The following IGSF3 variants were observed in gnomAD, a reference collection of about 807,000 sequenced individuals.
The protein encoded by IGSF3 is glu-Trp-Ile EWI motif-containing protein 3.
Under a neutral mutation model 114.4 loss-of-function variants are expected in IGSF3, and 23 were observed. The observed-to-expected ratio is 0.20, with a 90% CI of 0.14 to 0.28. IGSF3 has a LOEUF of 0.28. Ranked by LOEUF, IGSF3 falls within the 10% of genes least tolerant of loss-of-function variation. The pLI, the probability that IGSF3 is intolerant of heterozygous loss-of-function variation, is 1.00. For synonymous variants in IGSF3, 571 were observed against 645.2 expected, an observed-to-expected ratio of 0.88 and a Z score of 1.74; for missense variants, 1,172 against 1,591.5, an observed-to-expected ratio of 0.74 and a Z score of 4.48.
intron 7 of IGSF3, among the ~76,000 whole-genome samples, 188 bp downstream of exon 7, chr1:116,599,753 G>T (rs543431226): frequency 2.8e-4 from 43 of 152,282 alleles, no homozygotes; most frequent in African/African-American, 7.5e-4. Context: ...ACAACAACTG[G>T]CTATCAAGGA....
intron 2 of IGSF3, among the ~76,000 whole-genome samples, chr1:116,639,131 G>A (rs1450577105): frequency 2.0e-5 from 3 of 152,144 alleles, no homozygotes; most frequent in Non-Finnish European, 4.4e-5. Flanking sequence ...GACAGGTGAG[G>A]CACAGGCACT....
rs977112829 is a variant in IGSF3, at chr1:116,664,267, T to C, written c.43+2017A>G. Among the ~76,000 whole-genome samples, 2 of 152,182 alleles carry C rather than the reference T, an allele frequency of 1.3e-5. No individual in the cohort carries two copies. Among genetic ancestry groups the C allele is most frequent in the African/African-American group, 4.8e-5 (2 of 41,452 alleles). ...CCACCTTGATGCTCATTTTCCTCCATGGCACCTGTTTACACATGAAGATGA... is the reference window on the plus strand; with the variant it reads ...CCACCTTGATGCTCATTTTCCTCCACGGCACCTGTTTACACATGAAGATGA... On this transcript the variant is annotated intron_variant, in intron 2 of 10. Transcript: ENST00000369486. The surrounding 1 kb of genome is among the most constrained non-coding windows in gnomAD (Gnocchi z 4.6).
intron 2 of IGSF3, among the ~76,000 whole-genome samples, chr1:116,626,206 C>T (rs1396744595): frequency 6.6e-6 from 1 of 152,006 alleles, no homozygotes; most frequent in Non-Finnish European, 1.5e-5. Flanking sequence ...CCTCATTTTT[C>T]CAGAGATTAG....
rs1483972190 is a variant in IGSF3 at position 116,649,790 on chromosome 1, G to A, written c.43+16494C>T. ...GTTCATAAGCCTGTAATACTTTTCC[G>A]GCTGCATAAGTCACGTGTCACCATA... On this transcript the variant is annotated intron_variant, in intron 2 of 10. Coordinates refer to ENST00000369486, the MANE Select transcript of IGSF3 (RefSeq NM_001007237.3). The surrounding 1 kb of genome is among the most constrained non-coding windows in gnomAD (Gnocchi z 4.5). 2.6e-5 allele frequency among the ~76,000 whole-genome samples: 4 copies of A among 152,028 alleles called. No individual in the cohort carries two copies. Among genetic ancestry groups the A allele is most frequent in the Non-Finnish European group, 5.9e-5 (4 of 68,030 alleles).
intron 2 of IGSF3, among the ~76,000 whole-genome samples, chr1:116,659,874 C>G (rs1261087370): frequency 6.6e-6 from 1 of 152,186 alleles, no homozygotes; most frequent in Non-Finnish European, 1.5e-5. Flanking sequence ...CCTGCCTCAG[C>G]CTCCCAAAGT....
chr1:116,602,372 A>AC (rs1188115386), intron 6 of IGSF3, among the ~76,000 whole-genome samples: 5 of 151,740 alleles, frequency 3.3e-5, no homozygotes, highest in Non-Finnish European at 5.9e-5. Context: ...TAAAAAAAAA[A>AC]AAAACACACC....
intron 8 of IGSF3, among the ~76,000 whole-genome samples, chr1:116,587,963 A>G (rs1659924176): frequency 6.6e-6 from 1 of 152,164 alleles, no homozygotes; most frequent in South Asian, 2.1e-4. Context: ...TTTAACAGAG[A>G]AGGGGCATAC....
chr1:116,621,605 CTTTT>C, intron 2 of IGSF3, among the ~76,000 whole-genome samples: 1 of 148,584 alleles, frequency 6.7e-6, no homozygotes, highest in East Asian at 2.0e-4. Flanking sequence ...AAGTTTGGGG[CTTTT>C]TTTTTTACAT....
chr1:116,609,047 G>A (rs1338106961), intron 4 of IGSF3, among the ~76,000 whole-genome samples: 1 of 151,780 alleles, frequency 6.6e-6, no homozygotes, highest in Non-Finnish European at 1.5e-5. Context: ...ACTTTAGTAG[G>A]AAAGTACCTA....
Position 116,579,695 on chromosome 1 carries a change from C to G in IGSF3, c.3031G>C (p.Glu1011Gln), listed in dbSNP as rs1659517569. 6.2e-7 allele frequency: 1 copy of G among 1,612,570 alleles called. No individual in the cohort carries two copies. The highest frequency in any genetic ancestry group is 1.3e-5 in the African/African-American group (1 of 74,872). ...RSSPGLEEQE[E>Q]EREEEEEEDD... ...TCCTCCTCCTCCTCCTCCCTTTCCT[C>G]TTCCTGTTCTTCCAGGCCAGGGCTG... is the stretch of plus-strand genomic sequence containing the variant. The change falls in exon 10 of 11, where the codon GAG (glutamate) becomes CAG (glutamine). Residue 1011 changes from glutamate (E) to glutamine (Q), a missense_variant. Around this residue, in one of 3 missense-constraint regions of IGSF3, gnomAD observed 423 missense variants for 509.8 expected, o/e 0.83. Coordinates refer to ENST00000369486, the MANE Select transcript of IGSF3 (RefSeq NM_001007237.3). The surrounding 1 kb of genome is among the most constrained non-coding windows in gnomAD (Gnocchi z 6.4).
In IGSF3 at chr1:116,577,017, G is replaced by C; in HGVS notation, c.*295C>G. 1 of 369,580 alleles carries C rather than the reference G, an allele frequency of 2.7e-6. No individual in the cohort carries two copies. The highest frequency in any genetic ancestry group is 5.0e-6 in the Non-Finnish European group (1 of 200,614). 22.9% of individuals were successfully genotyped at this position (369,580 alleles called of 1,614,324 possible). On this transcript the variant is annotated 3_prime_UTR_variant, in exon 11 of 11. Coordinates refer to ENST00000369486, the MANE Select transcript of IGSF3 (RefSeq NM_001007237.3). This position sits in a 1 kb window ranked among gnomAD's most constrained non-coding sequence, Gnocchi z 5.7. ...CTGTAACATCTATCTGAGAATACTA[G>C]ATAAATCTGTGAGTAGATGTGGCAC... is the stretch of plus-strand genomic sequence containing the variant.
Position 116,583,204 on chromosome 1 carries a change from T to C in IGSF3, c.2848+1441A>G, listed in dbSNP as rs1659672298. Among the ~76,000 whole-genome samples the C allele has an allele frequency of 6.6e-6, 1 of 152,110 alleles. No individual in the cohort carries two copies. The highest frequency in any genetic ancestry group is 1.5e-5 in the Non-Finnish European group (1 of 68,020). On this transcript the variant is annotated intron_variant, in intron 9 of 10. Transcript: ENST00000369486. This position sits in a 1 kb window ranked among gnomAD's most constrained non-coding sequence, Gnocchi z 4.5. ...TAGCTGTACTCAATAAACATCTGTCTCCTCCCACTCCATCTGGGAGCCTCA... is the reference window on the plus strand; with the variant it reads ...TAGCTGTACTCAATAAACATCTGTCCCCTCCCACTCCATCTGGGAGCCTCA...
At chr1:116,663,397 C>T (rs1310922285) in intron 2 of IGSF3, among the ~76,000 whole-genome samples, 1 of 152,114 alleles carries the variant, frequency 6.6e-6, no homozygotes, top group South Asian at 2.1e-4. Context: ...TCTTCTGCCC[C>T]TCTGGCCACA....
intron 4 of IGSF3, among the ~76,000 whole-genome samples, chr1:116,608,618 T>TGAGACCCCCAG (rs746195430): frequency 2.0e-5 from 3 of 152,242 alleles, no homozygotes; most frequent in Non-Finnish European, 4.4e-5. Flanking sequence ...AAGCTTTAGA[T>TGAGACCCCCAG]GTCTTAGATG....
intron 2 of IGSF3, among the ~76,000 whole-genome samples, chr1:116,639,011 T>C (rs1647959880): frequency 1.3e-5 from 2 of 152,168 alleles, no homozygotes; most frequent in African/African-American, 4.8e-5. Context: ...CAACTAACTG[T>C]ACCAGGTGCT....
chr1:116,578,855 C>A (rs1659466348), intron 10 of IGSF3, among the ~76,000 whole-genome samples: 1 of 152,158 alleles, frequency 6.6e-6, no homozygotes, highest in Non-Finnish European at 1.5e-5. Flanking sequence ...GCAAATCCAT[C>A]CCCTCTCAGC....
At position 116,661,069 on chromosome 1, in the gene IGSF3, G is replaced by A. The variant is rs1180921752; in HGVS notation, c.43+5215C>T. Among the ~76,000 whole-genome samples, 1 of 152,164 alleles carries A rather than the reference G, an allele frequency of 6.6e-6. No homozygotes were observed. Among genetic ancestry groups the A allele is most frequent in the Non-Finnish European group, 1.5e-5 (1 of 68,036 alleles). ...GCATTTTGGGAGGCCAAGGCAGGCG[G>A]ATCACGAGGTCAGGAGTTTGAGACC... On this transcript the variant is annotated intron_variant, in intron 2 of 10. Coordinates refer to ENST00000369486, the MANE Select transcript of IGSF3 (RefSeq NM_001007237.3). The surrounding 1 kb of genome is among the most constrained non-coding windows in gnomAD (Gnocchi z 4.0).
At chr1:116,578,648 G>T (rs1303777777) in intron 10 of IGSF3, among the ~76,000 whole-genome samples, 1 of 152,126 alleles carries the variant, frequency 6.6e-6, no homozygotes, top group Admixed American at 6.5e-5. Context: ...AAAAATTCCA[G>T]CAATCTTTTT....
intron 2 of IGSF3, among the ~76,000 whole-genome samples, chr1:116,635,491 G>A (rs3965228): frequency 0.01 from 1,572 of 152,160 alleles, 16 homozygotes; most frequent in Middle Eastern, 0.017. Context: ...GCCACAGATT[G>A]TCCACTTTTC....
Sources: gnomAD v4.1 joint callset for allele counts (sites outside exome capture counted in the v4.1 genomes callset) on GRCh38, gnomAD v4.1.1 for gene constraint, gnomAD v4.1.1 regional missense constraint, Gnocchi (gnomAD v3.1) non-coding constraint, MANE v1.5 for transcripts, NCBI Gene and HGNC (gene_info 2026-07-23, HGNC 2026-07-21) for gene names.